CNTN1: variants seen among roughly 807,000 people sequenced by gnomAD.
CNTN1 encodes the protein contactin-1.
CNTN1 carries 38 observed loss-of-function variants against 126.4 expected under a neutral mutation model. That is an observed-to-expected ratio of 0.30 (90% CI 0.23 to 0.39). The LOEUF (loss-of-function observed/expected upper bound fraction) is 0.39, where lower values mean the gene tolerates loss of function less well. Ranked by LOEUF, CNTN1 falls within the 10% of genes least tolerant of loss-of-function variation. The pLI is 1.00. For missense variants in CNTN1, 1,009 were observed against 1,248.4 expected, an observed-to-expected ratio of 0.81 and a Z score of 2.89; for synonymous variants, 413 against 422.6, an observed-to-expected ratio of 0.98 and a Z score of 0.28.
chr12:40,931,539 A>G (rs549282513), intron 7 of CNTN1, among the ~76,000 whole-genome samples: 8 of 152,112 alleles, frequency 5.3e-5, no homozygotes, highest in Admixed American at 4.6e-4. Flanking sequence ...TGTCCCCCAG[A>G]AAGCTCTCAC....
rs200840858 is a variant in CNTN1, at chr12:40,972,557, G to GTA, written c.1805-8343_1805-8342dup. On this transcript the variant is annotated intron_variant, in intron 15 of 23. Coordinates refer to ENST00000551295, the MANE Select transcript of CNTN1 (RefSeq NM_001843.4). The stretch of plus-strand genomic sequence containing the variant: ...AACTCTTAAATTATTATATGTGTGT[G>GTA]TATATATATAGTTTAACTTTAAAAA... 1.9e-3 allele frequency: 1,413 copies of GTA among 757,806 alleles called. 20 individuals carry two copies. The African/African-American group carries it at 0.025, about 13-fold the overall frequency. 46.9% of individuals were successfully genotyped at this position (757,806 alleles called of 1,614,324 possible). A position where few individuals can be genotyped will look rare whatever the true frequency, so the allele number is the denominator to read the frequency against.
At chr12:40,885,066 T>C (rs1435550321) in intron 1 of CNTN1, among the ~76,000 whole-genome samples, 1 of 151,832 alleles carries the variant, frequency 6.6e-6, no homozygotes, top group African/African-American at 2.4e-5. Flanking sequence ...CAGTGCCCTT[T>C]ATTGAGTCGT....
intron 17 of CNTN1, among the ~76,000 whole-genome samples, chr12:41,008,287 T>C (rs1030828922): frequency 2.6e-5 from 4 of 152,222 alleles, no homozygotes; most frequent in Non-Finnish European, 5.9e-5. Context: ...GGAGGTACCA[T>C]AGGCCACAAT....
chr12:40,842,937 A>G (rs1030606946), intron 1 of CNTN1, among the ~76,000 whole-genome samples: 1 of 152,108 alleles, frequency 6.6e-6, no homozygotes, highest in Non-Finnish European at 1.5e-5. Context: ...TAACGTAGGC[A>G]AAAGGGGGAT....
chr12:40,888,613 A>G (rs1410599299), intron 1 of CNTN1, among the ~76,000 whole-genome samples: 1 of 149,324 alleles, frequency 6.7e-6, no homozygotes, highest in Admixed American at 6.9e-5. Flanking sequence ...GATTAACAAC[A>G]ACAACAAAAA....
At chr12:40,740,344 C>A (rs1156781526) in intron 1 of CNTN1, among the ~76,000 whole-genome samples, 1 of 151,854 alleles carries the variant, frequency 6.6e-6, no homozygotes, top group African/African-American at 2.4e-5. Flanking sequence ...TACTTTTTGC[C>A]CCAATTCAGA....
chr12:40,932,600 C>T (rs979747019), intron 7 of CNTN1, among the ~76,000 whole-genome samples: 1 of 151,838 alleles, frequency 6.6e-6, no homozygotes, highest in African/African-American at 2.4e-5. Flanking sequence ...AGTTCCTAGA[C>T]CTTTTAAAAT....
intron 1 of CNTN1, among the ~76,000 whole-genome samples, chr12:40,863,242 T>C (rs1394633703): frequency 1.3e-5 from 2 of 152,180 alleles, no homozygotes; most frequent in Non-Finnish European, 2.9e-5. Context: ...ATAAGATTCA[T>C]CCATGATACT....
chr12:40,758,683 TC>T (rs1938708797), intron 1 of CNTN1, among the ~76,000 whole-genome samples: 1 of 152,124 alleles, frequency 6.6e-6, no homozygotes, highest in South Asian at 2.1e-4. Flanking sequence ...TAATCCAGTT[TC>T]AACAGTTATC....
intron 23 of CNTN1, among the ~76,000 whole-genome samples, chr12:41,055,908 C>A (rs1252187272): frequency 6.6e-6 from 1 of 152,116 alleles, no homozygotes; most frequent in Non-Finnish European, 1.5e-5. Context: ...AGCACGGGTA[C>A]CTCAGTACCT....
intron 1 of CNTN1, among the ~76,000 whole-genome samples, chr12:40,809,180 T>C (rs1445516953): frequency 6.6e-6 from 1 of 152,206 alleles, no homozygotes; most frequent in East Asian, 1.9e-4. Context: ...AAAATATTAG[T>C]TGTATTTTCA....
intron 1 of CNTN1, among the ~76,000 whole-genome samples, chr12:40,793,887 AATGT>A (rs1298040071): frequency 6.6e-6 from 1 of 151,968 alleles, no homozygotes; most frequent in Non-Finnish European, 1.5e-5. Flanking sequence ...TTTCTATTAT[AATGT>A]AGTACTATTA....
intron 1 of CNTN1, among the ~76,000 whole-genome samples, chr12:40,723,088 G>A (rs73110839): frequency 0.012 from 1,783 of 152,228 alleles, 22 homozygotes; most frequent in African/African-American, 0.04. Flanking sequence ...GCCATAGAGA[G>A]CTGTTAGAGG....
chr12:40,898,077 A>G (rs978891796), intron 1 of CNTN1, among the ~76,000 whole-genome samples: 1 of 152,108 alleles, frequency 6.6e-6, no homozygotes. Flanking sequence ...CCAAGTATGG[A>G]ACAATAATTT....
intron 8 of CNTN1, 59 bp downstream of exon 8, chr12:40,933,619 ATAAT>A (rs1945974113): frequency 6.5e-7 from 1 of 1,530,634 alleles, no homozygotes; most frequent in Non-Finnish European, 9.1e-7. Flanking sequence ...TAGGAAATAA[ATAAT>A]TGTTTAGCTA....
intron 1 of CNTN1, among the ~76,000 whole-genome samples, chr12:40,754,070 T>C (rs1938505968): frequency 6.6e-6 from 1 of 152,096 alleles, no homozygotes; most frequent in Non-Finnish European, 1.5e-5. Context: ...AGCCCTCATG[T>C]TCTTCTATGC....
intron 23 of CNTN1, among the ~76,000 whole-genome samples, chr12:41,058,897 C>T (rs931272224): frequency 1.3e-5 from 2 of 152,152 alleles, no homozygotes; most frequent in Non-Finnish European, 2.9e-5. Context: ...ATTATTTCTG[C>T]TGTGAAAGTA....
intron 23 of CNTN1, among the ~76,000 whole-genome samples, chr12:41,030,249 A>T (rs1949121108): frequency 1.3e-5 from 2 of 152,012 alleles, no homozygotes; most frequent in Admixed American, 1.3e-4. Context: ...TATGCTATAT[A>T]TTAAACCAAC....
In CNTN1 at chr12:41,056,803, A is replaced by G. The variant is rs117176222; in HGVS notation, c.2981-13156A>G. Among the ~76,000 whole-genome samples the G allele has an allele frequency of 1.1e-3, 162 of 150,674 alleles. 3 individuals are homozygous for G. The East Asian group carries it at 0.027, about 26-fold the overall frequency. The stretch of plus-strand genomic sequence containing the variant: ...TTAAAACTAACATATTTAAAGCACC[A>G]ATTATATAGTCCAATTAAAGTATTA... On this transcript the variant is annotated intron_variant, in intron 23 of 23. Coordinates refer to ENST00000551295, the MANE Select transcript of CNTN1 (RefSeq NM_001843.4).
Sources: allele counts gnomAD v4.1 joint callset (sites outside exome capture counted in the v4.1 genomes callset), GRCh38; gene constraint gnomAD v4.1.1; transcripts MANE v1.5; gene names NCBI Gene and HGNC (gene_info 2026-07-23, HGNC 2026-07-21).